The following IGSF22 variants were observed in gnomAD, a reference collection of about 807,000 sequenced individuals.
IGSF22 encodes the protein immunoglobulin superfamily member 22.
In IGSF22, 119 loss-of-function variants were observed where a neutral mutation model predicts 127.0. The ratio of observed to expected loss-of-function variants is 0.94; its 90% CI spans 0.81 to 1.09. The LOEUF (loss-of-function observed/expected upper bound fraction) is 1.09, where lower values mean the gene tolerates loss of function less well. Among genes scored for constraint, IGSF22 ranks in the 50% least tolerant of loss-of-function variants. IGSF22 has a pLI of 0.00. For missense variants in IGSF22, 1,518 were observed against 1,716.6 expected (o/e 0.88, Z 2.04); for synonymous variants, 568 against 664.7 (o/e 0.85, Z 2.24).
intron 15 of IGSF22, among the ~76,000 whole-genome samples, chr11:18,711,535 T>G (rs1177306192): frequency 6.6e-6 from 1 of 152,128 alleles, no homozygotes; most frequent in African/African-American, 2.4e-5. Flanking sequence ...GTAGCCAGGA[T>G]GACAGGAGCC....
At chr11:18,720,944 A>G (rs1038591055) in intron 4 of IGSF22, among the ~76,000 whole-genome samples, 1 of 152,160 alleles carries the variant, frequency 6.6e-6, no homozygotes, top group African/African-American at 2.4e-5. Flanking sequence ...GAGTGATTAT[A>G]GGATCATAAG....
Position 18,720,243 on chromosome 11 carries a change from T to C in IGSF22, c.421A>G (p.Ile141Val), listed in dbSNP as rs373549046. ...GCATCTGCATGGTCATTGCTTGCAA[T>C]GCACTTATAGTTGTCAGAGTCATCC... ...TSDDSDNYKC[I>V]ASNDHADAIY... Residue 141 changes from isoleucine to valine, a missense_variant, in exon 5 of 23, where the codon ATT becomes GTT. This residue lies in a region of IGSF22 where 1,456 missense variants were observed against 1,644.9 expected (regional missense o/e 0.89). Transcript: ENST00000513874. The C allele has an allele frequency of 1.3e-5, 21 of 1,614,038 alleles. No homozygotes were observed. Among genetic ancestry groups the C allele is most frequent in the Non-Finnish European group, 1.8e-5 (21 of 1,180,016 alleles).
Position 18,716,938 on chromosome 11 carries a change from C to T in IGSF22, c.1036G>A (p.Val346Met), listed in dbSNP as rs770317028. The T allele has an allele frequency of 1.9e-6, 3 of 1,614,238 alleles. No homozygotes were observed. The highest frequency in any genetic ancestry group is 2.5e-6 in the Non-Finnish European group (3 of 1,180,040). The change falls in exon 10 of 23, where the codon GTG (valine) becomes ATG (methionine). Residue 346 changes from valine to methionine, a missense_variant. Val to Met is a conservative substitution (Grantham distance 21). This residue lies in a region of IGSF22 where 1,456 missense variants were observed against 1,644.9 expected (regional missense o/e 0.89). Coordinates refer to ENST00000513874, the MANE Select transcript of IGSF22 (RefSeq NM_173588.4). This position sits in a 1 kb window ranked among gnomAD's most constrained non-coding sequence, Gnocchi z 4.5. ...PVKVTERQTA[V>M]FEIRLSKKEP... The stretch of plus-strand genomic sequence containing the variant: ...TTCTTGGAGAGGCGGATCTCAAACA[C>T]AGCTGTCTGGCGCTCTGTCACCTTC...
chr11:18,721,862 T>C (rs1351378494), intron 3 of IGSF22, 48 bp downstream of exon 3: 6 of 1,607,502 alleles, frequency 3.7e-6, no homozygotes. Flanking sequence ...GGGCACTCGA[T>C]TAGAAAGCGA....
rs1158567189 is a variant in IGSF22, at chr11:18,716,994, G to A, written c.980C>T (p.Pro327Leu). 6.2e-7 allele frequency: 1 copy of A among 1,614,054 alleles called. No individual in the cohort carries two copies. Among genetic ancestry groups the A allele is most frequent in the Non-Finnish European group, 8.5e-7 (1 of 1,179,962 alleles). Reference sequence around the variant, plus strand: ...CTTCATCTCTCCCAGGAACTTCAGTGGCTCATCTGCAGCAAACAGTAGGAG... The same window carrying A: ...CTTCATCTCTCCCAGGAACTTCAGTAGCTCATCTGCAGCAAACAGTAGGAG... ...MSAELTVLDE[P>L]LKFLGEMKPV... The change falls in exon 10 of 23, where the codon CCA (proline) becomes CTA (leucine). Residue 327 changes from proline (P) to leucine (L), a missense_variant. Physicochemically the swap from Pro to Leu is moderately conservative, Grantham distance 98 (BLOSUM62 -3). Around this residue, in one of 3 missense-constraint regions of IGSF22, gnomAD observed 1,456 missense variants for 1,644.9 expected, o/e 0.89. Coordinates refer to ENST00000513874, the MANE Select transcript of IGSF22 (RefSeq NM_173588.4). This position sits in a 1 kb window ranked among gnomAD's most constrained non-coding sequence, Gnocchi z 4.5.
At chr11:18,720,921 C>A (rs1848560053) in intron 4 of IGSF22, among the ~76,000 whole-genome samples, 1 of 152,168 alleles carries the variant, frequency 6.6e-6, no homozygotes, top group African/African-American at 2.4e-5. Flanking sequence ...AACGGGAAAT[C>A]GGGTCAGGAC....
chr11:18,705,660 G>GACATCGAA, intron 22 of IGSF22, 157 bp downstream of exon 22: 1 of 640,514 alleles, frequency 1.6e-6, no homozygotes, highest in Non-Finnish European at 2.7e-6. Flanking sequence ...GAAAGGATGG[G>GACATCGAA]AGAGTGGTAA....
At chr11:18,712,415 C>A in intron 14 of IGSF22, 31 bp from the exon 15 acceptor site, 1 of 1,525,822 alleles carries the variant, frequency 6.6e-7, no homozygotes, top group Non-Finnish European at 8.8e-7. Flanking sequence ...CAGAATGGGG[C>A]TTTGGAACAA....
rs189006159 is a variant in IGSF22 at position 18,709,978 on chromosome 11, C to T, written c.2702-295G>A. 1.3e-5 allele frequency among the ~76,000 whole-genome samples: 2 copies of T among 152,310 alleles called. No homozygotes were observed. Among genetic ancestry groups the T allele is most frequent in the African/African-American group, 4.8e-5 (2 of 41,560 alleles). On this transcript the variant is annotated intron_variant, in intron 17 of 22. Coordinates refer to ENST00000513874, the MANE Select transcript of IGSF22 (RefSeq NM_173588.4). The surrounding 1 kb of genome is among the most constrained non-coding windows in gnomAD (Gnocchi z 4.8). ...GCCTTTAACCCAACCATCTCCACCA[C>T]ATCCACTTCCAGGCAGTACCTTCAC...
chr11:18,717,037 G>A, intron 9 of IGSF22, 37 bp from the exon 10 acceptor site: 1 of 1,608,324 alleles, frequency 6.2e-7, no homozygotes, highest in South Asian at 1.1e-5. Flanking sequence ...CATTGGGCTG[G>A]TCCCTCCTGA....
rs79037456 is a variant in IGSF22 at position 18,710,664 on chromosome 11, G to A, written c.2563C>T (p.Pro855Ser). The A allele has an allele frequency of 1.2e-6, 2 of 1,612,460 alleles. No homozygotes were observed. Among genetic ancestry groups the A allele is most frequent in the Non-Finnish European group, 1.7e-6 (2 of 1,178,664 alleles). ...GTTCCAAGGACCTCACCCTGGATGG[G>A]GTCCTTGTTGACTGGCACCCACAGG... ...SNLWVPVNKD[P>S]IQGTKCTVDG... The change falls in exon 16 of 23, where the codon CCC (proline) becomes TCC (serine). Residue 855 changes from proline (P) to serine (S), a missense_variant. This residue lies in a region of IGSF22 where 1,456 missense variants were observed against 1,644.9 expected (regional missense o/e 0.89). Transcript: ENST00000513874.
Position 18,714,035 on chromosome 11 carries a change from T to C in IGSF22, c.1912A>G (p.Lys638Glu), listed in dbSNP as rs1242352149. The change falls in exon 14 of 23, where the codon AAA becomes GAA. Residue 638 changes from lysine (K) to glutamate (E), a missense_variant. Lys to Glu is a moderately conservative substitution (Grantham distance 56). Transcript: ENST00000513874. ...ATGCCATCCTTGTACCATGTCACTT[T>C]GGGCAGTGGTTTTCCCCGGAAGGGG... ...KVPFRGKPLP[K>E]VTWYKDGMEV... The C allele has an allele frequency of 1.2e-6, 2 of 1,614,168 alleles. No individual in the cohort carries two copies. Among genetic ancestry groups the C allele is most frequent in the Admixed American group, 3.3e-5 (2 of 60,016 alleles).
intron 16 of IGSF22, 51 bp downstream of exon 16, chr11:18,710,604 T>C: frequency 6.3e-7 from 1 of 1,589,456 alleles, no homozygotes; most frequent in Non-Finnish European, 8.6e-7. Flanking sequence ...ATGGGTCCAC[T>C]CAGCAAGACC....
rs770942111 is a variant in IGSF22 at position 18,710,750 on chromosome 11, G to GT, written c.2476dup (p.Thr826AsnfsTer48). Reference sequence around the variant, plus strand: ...GAGCACTGGGGCTCCCCCATCCTGGGTAGGGGCATTCCACGTGATGGTCAC... The same window carrying GT: ...GAGCACTGGGGCTCCCCCATCCTGGGTTAGGGGCATTCCACGTGATGGTCAC... On this transcript the variant is annotated frameshift_variant, in exon 16 of 23. Coordinates refer to ENST00000513874, the MANE Select transcript of IGSF22 (RefSeq NM_173588.4). LOFTEE classifies it high-confidence loss of function. 6.2e-7 allele frequency: 1 copy of GT among 1,614,164 alleles called. No individual in the cohort carries two copies. The highest frequency in any genetic ancestry group is 1.1e-5 in the South Asian group (1 of 91,086).
At position 18,712,317 on chromosome 11, in the gene IGSF22, C is replaced by T. The variant is rs1848372757; in HGVS notation, c.2163G>A (p.Lys721=). 1 of 1,551,726 alleles carries T rather than the reference C, an allele frequency of 6.4e-7. No homozygotes were observed. Among genetic ancestry groups the T allele is most frequent in the Non-Finnish European group, 8.7e-7 (1 of 1,146,992 alleles). The change falls in exon 15 of 23, where the codon AAG becomes AAA. Residue 721 remains lysine, a synonymous_variant. Coordinates refer to ENST00000513874, the MANE Select transcript of IGSF22 (RefSeq NM_173588.4). ...LELSGSCVHM[K]WKAPKDNGGR... The stretch of plus-strand genomic sequence containing the variant: ...CACCATTGTCCTTTGGGGCCTTCCA[C>T]TTCATGTGCACACAACTACCTGAGA...
At chr11:18,710,282 G>A in intron 17 of IGSF22, 45 bp downstream of exon 17, 1 of 1,599,500 alleles carries the variant, frequency 6.3e-7, no homozygotes, top group Non-Finnish European at 8.6e-7. Flanking sequence ...TACTTTGAAT[G>A]GGCTAATTCC....
chr11:18,708,943 C>T (rs1823634896), intron 18 of IGSF22, among the ~76,000 whole-genome samples: 1 of 152,212 alleles, frequency 6.6e-6, no homozygotes, highest in South Asian at 2.1e-4. Context: ...TTTCTGACGA[C>T]TGATGGCTCC....
rs1366486179 is a variant in IGSF22, at chr11:18,712,141, T to C, written c.2339A>G (p.Asn780Ser). 2.5e-5 allele frequency: 39 copies of C among 1,551,648 alleles called. No homozygotes were observed. The highest frequency in any genetic ancestry group is 1.2e-5 in the South Asian group (1 of 84,070). Residue 780 changes from asparagine (N) to serine (S), a missense_variant, in exon 15 of 23, where the codon AAT (asparagine) becomes AGT (serine). Physicochemically the swap from Asn to Ser is conservative, Grantham distance 46. Coordinates refer to ENST00000513874, the MANE Select transcript of IGSF22 (RefSeq NM_173588.4). ...KAYQFRILAV[N>S]SEGVSDPLET... is the part of the protein sequence containing the mutation. ...CAGTGGGTCACTCACACCTTCTGAATTGACTGCCAGGATACGGAACTGGTA... is the reference window on the plus strand; with the variant it reads ...CAGTGGGTCACTCACACCTTCTGAACTGACTGCCAGGATACGGAACTGGTA...
Position 18,711,004 on chromosome 11 carries a change from G to C in IGSF22, c.2399-176C>G, listed in dbSNP as rs79104060. Among the ~76,000 whole-genome samples the C allele has an allele frequency of 9.2e-4, 140 of 152,168 alleles. 3 individuals are homozygous for C. The East Asian group carries it at 0.024, about 26-fold the overall frequency. ...TTGCCCAGGATGATCTTGAATTCTT[G>C]GGCTCAAGTGATCCTCCTGTCTTGG... On this transcript the variant is annotated intron_variant, in intron 15 of 22. Coordinates refer to ENST00000513874, the MANE Select transcript of IGSF22 (RefSeq NM_173588.4).
Sources: gnomAD v4.1 joint callset for allele counts (sites outside exome capture counted in the v4.1 genomes callset) on GRCh38, gnomAD v4.1.1 for gene constraint, gnomAD v4.1.1 regional missense constraint, Gnocchi (gnomAD v3.1) non-coding constraint, MANE v1.5 for transcripts, NCBI Gene and HGNC (gene_info 2026-07-23, HGNC 2026-07-21) for gene names.